The following SORCS1 variants were observed in gnomAD, a reference collection of about 807,000 sequenced individuals.
SORCS1 encodes the protein sortilin related VPS10 domain containing receptor 1, also known as VPS10 domain-containing receptor SorCS1.
A neutral mutation model predicts 146.1 loss-of-function variants in SORCS1; 60 were observed. The observed-to-expected ratio is 0.41, with a 90% CI of 0.33 to 0.51. SORCS1 has a LOEUF of 0.51. Among genes scored for constraint, SORCS1 ranks in the 20% least tolerant of loss-of-function variants. The pLI is 0.21. For missense variants in SORCS1, 1,352 were observed against 1,487.6 expected, an observed-to-expected ratio of 0.91 and a Z score of 1.50; for synonymous variants, 637 against 584.0, an observed-to-expected ratio of 1.09 and a Z score of -1.31.
At chr10:107,154,008 C>CTTTTTTTTTTTTTTTT (rs71025579) in intron 1 of SORCS1, among the ~76,000 whole-genome samples, 2 of 94,036 alleles carry the variant, frequency 2.1e-5, no homozygotes, top group African/African-American at 4.1e-5. Context: ...CTTTTCTTTT[C>CTTTTTTTTTTTTTTTT]TTTTTTTTTT....
At chr10:106,973,024 C>T (rs747784591) in intron 1 of SORCS1, among the ~76,000 whole-genome samples, 1 of 152,162 alleles carries the variant, frequency 6.6e-6, no homozygotes, top group African/African-American at 2.4e-5. Context: ...CTTTGTATCA[C>T]ATTCACTGAG....
intron 1 of SORCS1, among the ~76,000 whole-genome samples, chr10:106,971,533 C>T (rs1244890840): frequency 6.6e-6 from 1 of 152,240 alleles, no homozygotes; most frequent in Non-Finnish European, 1.5e-5. Flanking sequence ...TTAGGAATGA[C>T]ATTCCAAATA....
intron 1 of SORCS1, among the ~76,000 whole-genome samples, chr10:107,075,580 G>A (rs1481713412): frequency 2.6e-5 from 4 of 152,078 alleles, no homozygotes; most frequent in Non-Finnish European, 4.4e-5. Flanking sequence ...CACAAACACA[G>A]AAATGTATCT....
At chr10:107,034,347 C>A (rs566041322) in intron 1 of SORCS1, among the ~76,000 whole-genome samples, 1 of 151,872 alleles carries the variant, frequency 6.6e-6, no homozygotes, top group Non-Finnish European at 1.5e-5. Context: ...GGCATTTGTG[C>A]GCTTTCCACC....
At chr10:106,645,065 T>A (rs1849324013) in intron 18 of SORCS1, among the ~76,000 whole-genome samples, 1 of 152,062 alleles carries the variant, frequency 6.6e-6, no homozygotes, top group Non-Finnish European at 1.5e-5. Context: ...AATGGCAGTA[T>A]GTATCTACAC....
intron 4 of SORCS1, among the ~76,000 whole-genome samples, chr10:106,769,016 C>G (rs1257359367): frequency 6.6e-6 from 1 of 152,142 alleles, no homozygotes; most frequent in Non-Finnish European, 1.5e-5. Context: ...GAGAGCTGAT[C>G]CTCTTACCAG....
intron 3 of SORCS1, among the ~76,000 whole-genome samples, chr10:106,822,987 T>G (rs1012074176): frequency 1.3e-5 from 2 of 151,992 alleles, no homozygotes; most frequent in African/African-American, 4.8e-5. Flanking sequence ...TTCAGCATAT[T>G]GGCCAGGCTG....
intron 2 of SORCS1, among the ~76,000 whole-genome samples, chr10:106,914,203 C>A (rs1428367433): frequency 6.6e-6 from 1 of 152,166 alleles, no homozygotes; most frequent in Non-Finnish European, 1.5e-5. Context: ...GAGGAGGATG[C>A]TGGGTTTTAA....
At chr10:106,975,102 T>C (rs1955938338) in intron 1 of SORCS1, among the ~76,000 whole-genome samples, 1 of 152,328 alleles carries the variant, frequency 6.6e-6, no homozygotes, top group Non-Finnish European at 1.5e-5. Flanking sequence ...TCCCATTCTG[T>C]CAACTACTTC....
chr10:107,012,612 T>C (rs1350612492), intron 1 of SORCS1, among the ~76,000 whole-genome samples: 1 of 152,162 alleles, frequency 6.6e-6, no homozygotes, highest in Non-Finnish European at 1.5e-5. Context: ...AAGTTACTTG[T>C]CCAGTGTCAT....
intron 1 of SORCS1, among the ~76,000 whole-genome samples, chr10:107,147,773 A>G (rs1968454972): frequency 6.6e-6 from 1 of 152,326 alleles, no homozygotes; most frequent in African/African-American, 2.4e-5. Flanking sequence ...AAATACTGGC[A>G]TATAAAAATA....
At chr10:106,590,625 T>C (rs932037522) in intron 24 of SORCS1, among the ~76,000 whole-genome samples, 2 of 152,096 alleles carry the variant, frequency 1.3e-5, no homozygotes, top group Admixed American at 6.6e-5. Flanking sequence ...CTAGAAAAAC[T>C]CTCCCTAAAA....
chr10:106,843,429 CTTTTTT>C (rs141378677), intron 2 of SORCS1, among the ~76,000 whole-genome samples: 1 of 116,804 alleles, frequency 8.6e-6, no homozygotes, highest in Admixed American at 1.1e-4. Flanking sequence ...GCAGGATTTC[CTTTTTT>C]TTTTTTTTTT....
intron 16 of SORCS1, among the ~76,000 whole-genome samples, chr10:106,668,450 C>G (rs1249179233): frequency 6.6e-6 from 1 of 152,226 alleles, no homozygotes; most frequent in East Asian, 1.9e-4. Context: ...AAAGACTTCC[C>G]TCTCAGCCTC....
At chr10:107,062,859 T>C (rs1961362777) in intron 1 of SORCS1, among the ~76,000 whole-genome samples, 1 of 152,216 alleles carries the variant, frequency 6.6e-6, no homozygotes, top group African/African-American at 2.4e-5. Context: ...TTTTTTACAG[T>C]GTTTCAGTCT....
intron 2 of SORCS1, among the ~76,000 whole-genome samples, chr10:106,867,131 A>G (rs1447205449): frequency 6.6e-6 from 1 of 152,092 alleles, no homozygotes; most frequent in Admixed American, 6.6e-5. Flanking sequence ...CAAAACACAT[A>G]ATCATCAGAT....
At chr10:106,782,724 G>A (rs563631452) in intron 3 of SORCS1, among the ~76,000 whole-genome samples, 1 of 152,270 alleles carries the variant, frequency 6.6e-6, no homozygotes, top group East Asian at 1.9e-4. Flanking sequence ...AAACCCAAAC[G>A]TACAAACACT....
At chr10:106,826,441 T>C (rs1948307680) in intron 3 of SORCS1, among the ~76,000 whole-genome samples, 1 of 152,246 alleles carries the variant, frequency 6.6e-6, no homozygotes, top group African/African-American at 2.4e-5. Context: ...AGCACTGCCT[T>C]TGTTCTGCAT....
intron 1 of SORCS1, among the ~76,000 whole-genome samples, chr10:107,049,589 T>C (rs896255979): frequency 1.3e-5 from 2 of 152,186 alleles, no homozygotes; most frequent in Non-Finnish European, 2.9e-5. Flanking sequence ...CTCCAGCTTC[T>C]TTAAATAAGA....
Sources: gnomAD v4.1 joint callset for allele counts (sites outside exome capture counted in the v4.1 genomes callset) on GRCh38, gnomAD v4.1.1 for gene constraint, MANE v1.5 for transcripts, NCBI Gene and HGNC (gene_info 2026-07-23, HGNC 2026-07-21) for gene names.